Variants in TRMT10C observed in about 807,000 individuals in gnomAD.
TRMT10C encodes tRNA methyltransferase 10 homolog C.
A neutral mutation model predicts 27.4 loss-of-function variants in TRMT10C; 14 were observed. The ratio of observed to expected loss-of-function variants is 0.51; its 90% confidence interval spans 0.34 to 0.80. TRMT10C has a LOEUF of 0.80. TRMT10C is among the 30% of genes least tolerant of loss of function. The pLI is 0.02. For missense variants in TRMT10C, 438 were observed against 464.8 expected (o/e 0.94, Z 0.53); for synonymous variants, 143 against 155.9 (o/e 0.92, Z 0.62).
At position 101,565,633 on chromosome 3, in the gene TRMT10C, G is replaced by A. The variant is rs984894705; in HGVS notation, c.852G>A (p.Lys284=). 6.2e-6 allele frequency: 10 copies of A among 1,614,004 alleles called. No individual in the cohort carries two copies. In the African/African-American group the frequency reaches 6.7e-5, roughly 11 times the overall value. Residue 284 remains lysine, a synonymous_variant, in exon 2 of 2, where the codon AAG becomes AAA. Transcript: ENST00000309922. ...TEKSHVDLFP[K]DSIIYLTADS... is the part of the protein sequence containing the mutation. ...AGTCTCATGTAGATTTATTTCCAAA[G>A]GACAGTATTATCTATTTAACTGCAG...
Position 101,564,919 on chromosome 3 carries a change from T to C in TRMT10C, c.138T>C (p.Ala46=). The C allele has an allele frequency of 1.2e-6, 2 of 1,614,022 alleles. No individual in the cohort carries two copies. Among genetic ancestry groups the C allele is most frequent in the Admixed American group, 3.3e-5 (2 of 59,968 alleles). The part of the protein sequence containing the change: ...LQRYMSSKIP[A]VTYPKNESTP... ...GATACATGTCTTCCAAAATACCAGCTGTTACTTATCCTAAAAATGAGAGTA... is the reference window on the plus strand; with the variant it reads ...GATACATGTCTTCCAAAATACCAGCCGTTACTTATCCTAAAAATGAGAGTA... Residue 46 remains alanine (A), a synonymous_variant, in exon 2 of 2, where the codon GCT becomes GCC. Transcript: ENST00000309922.
Position 101,564,900 on chromosome 3 carries a change from T to C in TRMT10C, c.119T>C (p.Met40Thr). ...AACTTAACAATTTTGCAGAGATACA[T>C]GTCTTCCAAAATACCAGCTGTTACT... ...RNNLTILQRY[M>T]SSKIPAVTYP... Residue 40 changes from methionine to threonine, a missense_variant, in exon 2 of 2, where the codon ATG (methionine) becomes ACG (threonine). Transcript: ENST00000309922. The C allele has an allele frequency of 1.2e-6, 2 of 1,614,038 alleles. No individual in the cohort carries two copies. Among genetic ancestry groups the C allele is most frequent in the Non-Finnish European group, 8.5e-7 (1 of 1,179,996 alleles).
At chr3:101,564,637 T>A (rs1369568860) in intron 1 of TRMT10C, 133 bp from the exon 2 acceptor site, 3 of 919,844 alleles carry the variant, frequency 3.3e-6, no homozygotes, top group East Asian at 5.1e-5. Flanking sequence ...AGGAAAAAAA[T>A]TGGTACAAAG....
In TRMT10C at chr3:101,565,971, G is replaced by A; in HGVS notation, c.1190G>A (p.Arg397Lys). The A allele has an allele frequency of 1.2e-6, 2 of 1,603,296 alleles. No individual in the cohort carries two copies. Among genetic ancestry groups the A allele is most frequent in the Non-Finnish European group, 8.5e-7 (1 of 1,175,078 alleles). Residue 397 changes from arginine (R) to lysine (K), a missense_variant, in exon 2 of 2, where the codon AGA (arginine) becomes AAA (lysine). Arg to Lys is a conservative substitution (Grantham distance 26). This residue lies in a region of TRMT10C where 84 missense variants were observed against 76.5 expected (regional missense o/e 1.10). Coordinates refer to ENST00000309922, the MANE Select transcript of TRMT10C (RefSeq NM_017819.4). ...ISQHSQEFIN[R>K]LKKAKT is the part of the protein sequence containing the mutation. Reference sequence around the variant, plus strand: ...CAGCATTCTCAAGAGTTTATCAACAGACTAAAGAAGGCAAAGACTTAATTC... The same window carrying A: ...CAGCATTCTCAAGAGTTTATCAACAAACTAAAGAAGGCAAAGACTTAATTC...
chr3:101,564,996 C>G lies in TRMT10C; in HGVS notation c.215C>G (p.Ser72Cys), dbSNP rs760002827. The G allele has an allele frequency of 1.8e-5, 29 of 1,613,756 alleles. No homozygotes were observed. The South Asian group carries it at 3.1e-4, about 17-fold the overall frequency. ...ELDKWKTTMK[S>C]SVQEECVSTI... ...GATAAGTGGAAAACTACCATGAAAT[C>G]TAGTGTGCAAGAAGAATGTGTTTCA... The change falls in exon 2 of 2, where the codon TCT (serine) becomes TGT (cysteine). Residue 72 changes from serine (S) to cysteine (C), a missense_variant. Ser to Cys is a moderately radical substitution (Grantham distance 112). Around this residue, in one of 3 missense-constraint regions of TRMT10C, gnomAD observed 350 missense variants for 370.5 expected, o/e 0.94. Transcript: ENST00000309922.
chr3:101,562,796 A>G (rs1364370130), intron 1 of TRMT10C, among the ~76,000 whole-genome samples: 1 of 152,072 alleles, frequency 6.6e-6, no homozygotes, highest in East Asian at 1.9e-4. Flanking sequence ...AACATTATAG[A>G]CAAAGTCCTT....
intron 1 of TRMT10C, among the ~76,000 whole-genome samples, chr3:101,564,134 C>T (rs1012028320): frequency 1.3e-5 from 2 of 151,548 alleles, no homozygotes; most frequent in African/African-American, 4.9e-5. Flanking sequence ...CTCGGTGGTA[C>T]ATAACTTTGT....
intron 1 of TRMT10C, among the ~76,000 whole-genome samples, chr3:101,564,337 A>C (rs1027754559): frequency 5.4e-5 from 8 of 147,338 alleles, no homozygotes; most frequent in Non-Finnish European, 8.9e-5. Flanking sequence ...GCCTCACTGC[A>C]ACCTCCAACT....
At chr3:101,563,202 G>A (rs773672126) in intron 1 of TRMT10C, among the ~76,000 whole-genome samples, 2 of 151,976 alleles carry the variant, frequency 1.3e-5, no homozygotes. Context: ...TGCAACTTCC[G>A]CCCCCCTTAT....
At chr3:101,563,000 T>C (rs1934448055) in intron 1 of TRMT10C, among the ~76,000 whole-genome samples, 1 of 152,102 alleles carries the variant, frequency 6.6e-6, no homozygotes. Context: ...GAAATATATG[T>C]TGGGAACAAT....
Position 101,565,940 on chromosome 3 carries a change from A to G in TRMT10C, c.1159A>G (p.Ile387Val). ...GAGAAAACATACTGGTTTTCTGGAG[A>G]TTTCTCAGCATTCTCAAGAGTTTAT... ...PKRKHTGFLE[I>V]SQHSQEFINR... is the part of the protein sequence containing the mutation. The change falls in exon 2 of 2, where the codon ATT becomes GTT. Residue 387 changes from isoleucine (I) to valine (V), a missense_variant. Around this residue, in one of 3 missense-constraint regions of TRMT10C, gnomAD observed 84 missense variants for 76.5 expected, o/e 1.10. Transcript: ENST00000309922. The G allele has an allele frequency of 9.9e-6, 16 of 1,613,240 alleles. No individual in the cohort carries two copies. Among genetic ancestry groups the G allele is most frequent in the Non-Finnish European group, 1.4e-5 (16 of 1,179,722 alleles).
chr3:101,564,531 A>C (rs1934476240), intron 1 of TRMT10C, among the ~76,000 whole-genome samples: 1 of 152,118 alleles, frequency 6.6e-6, no homozygotes, highest in Non-Finnish European at 1.5e-5. Flanking sequence ...AAGTGCTGGG[A>C]TTACAGGCAT....
At chr3:101,564,256 CT>C (rs11410961) in intron 1 of TRMT10C, among the ~76,000 whole-genome samples, 194 of 121,474 alleles carry the variant, frequency 1.6e-3, no homozygotes, top group South Asian at 6.5e-3. Flanking sequence ...AAGAACCCAA[CT>C]TTTTTTTTTT....
intron 1 of TRMT10C, among the ~76,000 whole-genome samples, chr3:101,562,752 G>C (rs1280747461): frequency 6.6e-6 from 1 of 151,602 alleles, no homozygotes; most frequent in Non-Finnish European, 1.5e-5. Flanking sequence ...TGATTACTGT[G>C]AGCCAAATAC....
intron 1 of TRMT10C, among the ~76,000 whole-genome samples, chr3:101,563,483 A>G (rs147221695): frequency 2.6e-5 from 4 of 152,240 alleles, no homozygotes; most frequent in African/African-American, 9.6e-5. Flanking sequence ...TTTCTAATGC[A>G]TGGTCATTGA....
In TRMT10C at chr3:101,565,284, C is replaced by G. The variant is rs190212824; in HGVS notation, c.503C>G (p.Thr168Ser). Residue 168 changes from threonine to serine, a missense_variant, in exon 2 of 2, where the codon ACC becomes AGC. Thr to Ser is a moderately conservative substitution (Grantham distance 58, BLOSUM62 1). Around this residue, in one of 3 missense-constraint regions of TRMT10C, gnomAD observed 350 missense variants for 370.5 expected, o/e 0.94. Transcript: ENST00000309922. ...EEAKNIKLLE[T>S]TEEDKQKNFL... ...GCAAAAAATATCAAGCTGCTAGAAA[C>G]CACTGAGGAAGATAAACAGAAAAAC... 5 of 1,613,040 alleles carry G rather than the reference C, an allele frequency of 3.1e-6. No individual in the cohort carries two copies. The highest frequency in any genetic ancestry group is 4.2e-6 in the Non-Finnish European group (5 of 1,179,690).
At position 101,564,752 on chromosome 3, in the gene TRMT10C, A is replaced by AT. The variant is rs762891937; in HGVS notation, c.-12-13dup. ...AAATCTTTGTCTAATTTTTAATTGC[A>AT]TTTTTCTTCTTTTACAGGGGTTTTG... On this transcript the variant is annotated splice_polypyrimidine_tract_variant and intron_variant, in intron 1 of 1. Transcript: ENST00000309922. 2 of 1,490,720 alleles carry AT rather than the reference A, an allele frequency of 1.3e-6. No homozygotes were observed. The highest frequency in any genetic ancestry group is 2.8e-5 in the African/African-American group (2 of 71,302). 92.3% of individuals were successfully genotyped at this position (1,490,720 alleles called of 1,614,324 possible).
chr3:101,566,247 ATTGTTGAACAG>A lies in TRMT10C; in HGVS notation c.*255_*265del. ...AAGATAATAAAAAGAGTTGTCCAAG[ATTGTTGAACAG>A]AATAATCTTTATCCCAGTTAAATAG... On this transcript the variant is annotated 3_prime_UTR_variant, in exon 2 of 2. Coordinates refer to ENST00000309922, the MANE Select transcript of TRMT10C (RefSeq NM_017819.4). 1 of 362,098 alleles carries A rather than the reference ATTGTTGAACAG, an allele frequency of 2.8e-6. No homozygotes were observed. 22.4% of individuals were successfully genotyped at this position (362,098 alleles called of 1,614,324 possible). A position where few individuals can be genotyped will look rare whatever the true frequency, so the allele number is the denominator to read the frequency against.
intron 1 of TRMT10C, among the ~76,000 whole-genome samples, chr3:101,562,413 A>G (rs1934431819): frequency 6.6e-6 from 1 of 152,060 alleles, no homozygotes; most frequent in Non-Finnish European, 1.5e-5. Context: ...CAGCACAATG[A>G]GAGGCCGAGG....
Sources: gnomAD v4.1 joint callset for allele counts (sites outside exome capture counted in the v4.1 genomes callset) on GRCh38, gnomAD v4.1.1 for gene constraint, gnomAD v4.1.1 regional missense constraint, MANE v1.5 for transcripts, NCBI Gene and HGNC (gene_info 2026-07-23, HGNC 2026-07-21) for gene names.